Variants in CUL3 observed in about 807,000 individuals in gnomAD.
CUL3 encodes cullin 3, also known as cullin-3.
CUL3 carries 19 observed loss-of-function variants against 89.1 expected under a neutral mutation model. The ratio of observed to expected loss-of-function variants is 0.21; its 90% confidence interval spans 0.15 to 0.31. CUL3 has a LOEUF of 0.31. CUL3 is among the 10% of genes least tolerant of loss of function. The pLI is 1.00. For missense variants in CUL3, 469 were observed against 942.3 expected, an observed-to-expected ratio of 0.50 and a Z score of 6.58; for synonymous variants, 351 against 308.4, an observed-to-expected ratio of 1.14 and a Z score of -1.45.
At chr2:224,547,009 T>C (rs893035814) in intron 2 of CUL3, among the ~76,000 whole-genome samples, 59 of 152,258 alleles carry the variant, frequency 3.9e-4, no homozygotes, top group African/African-American at 1.4e-3. Flanking sequence ...CTCACTCCTG[T>C]CACCACCATC....
Position 224,500,220 on chromosome 2 carries a change from T to C in CUL3, c.1610+143A>G, listed in dbSNP as rs3768890. On this transcript the variant is annotated intron_variant, in intron 11 of 15. Coordinates refer to ENST00000264414, the MANE Select transcript of CUL3 (RefSeq NM_003590.5). The stretch of plus-strand genomic sequence containing the variant: ...GATCCTATAGAGGGGGAAATTGCTG[T>C]ATGCCAGGATAAATGCTCCTTTTGA... The C allele has an allele frequency of 0.15, 138,005 of 907,116 alleles. 12,173 individuals carry two copies. The highest frequency in any genetic ancestry group is 0.28 in the East Asian group (10,702 of 37,944). The allele number at this position is 907,116 out of a possible 1,614,324, so 56.2% of individuals were successfully genotyped here. A position where few individuals can be genotyped will look rare whatever the true frequency, so the allele number is the denominator to read the frequency against.
chr2:224,536,696 A>C (rs1292040977), intron 2 of CUL3, among the ~76,000 whole-genome samples: 1 of 152,162 alleles, frequency 6.6e-6, no homozygotes, highest in Non-Finnish European at 1.5e-5. Context: ...TCCAACCCTA[A>C]TAAAAGACTA....
chr2:224,548,370 C>T (rs1694383567), intron 2 of CUL3, among the ~76,000 whole-genome samples: 1 of 152,076 alleles, frequency 6.6e-6, no homozygotes, highest in African/African-American at 2.4e-5. Flanking sequence ...CCCATTCAAT[C>T]GGAGTAAGAT....
intron 2 of CUL3, among the ~76,000 whole-genome samples, chr2:224,546,539 T>G (rs1574680163): frequency 6.6e-6 from 1 of 152,192 alleles, no homozygotes; most frequent in East Asian, 1.9e-4. Context: ...TCTCAAAGAT[T>G]CATTTCAACA....
intron 8 of CUL3, 187 bp from the exon 9 acceptor site, chr2:224,504,009 C>A: frequency 2.1e-6 from 1 of 469,734 alleles, no homozygotes; most frequent in Non-Finnish European, 3.7e-6. Flanking sequence ...CTTACATTCT[C>A]ATTTAGTGCA....
At chr2:224,502,664 T>C (rs1033672466) in intron 10 of CUL3, among the ~76,000 whole-genome samples, 1 of 152,206 alleles carries the variant, frequency 6.6e-6, no homozygotes, top group Non-Finnish European at 1.5e-5. Context: ...CCCAGTACTC[T>C]TTCCACAATT....
chr2:224,491,641 A>C (rs1354871154), intron 13 of CUL3, among the ~76,000 whole-genome samples: 1 of 152,174 alleles, frequency 6.6e-6, no homozygotes, highest in African/African-American at 2.4e-5. Flanking sequence ...CTTGTTCCTC[A>C]GTCTAATAGA....
At chr2:224,556,625 A>G (rs567437506) in intron 2 of CUL3, among the ~76,000 whole-genome samples, 3 of 152,278 alleles carry the variant, frequency 2.0e-5, no homozygotes, top group Admixed American at 6.5e-5. Context: ...AATCACCACT[A>G]AACAGGACAA....
At chr2:224,579,310 T>C (rs1443693527) in intron 1 of CUL3, among the ~76,000 whole-genome samples, 1 of 152,100 alleles carries the variant, frequency 6.6e-6, no homozygotes, top group African/African-American at 2.4e-5. Flanking sequence ...GAAAAGCAAA[T>C]TTATAATTAA....
At chr2:224,546,251 C>T (rs182968167) in intron 2 of CUL3, among the ~76,000 whole-genome samples, 7 of 152,200 alleles carry the variant, frequency 4.6e-5, no homozygotes, top group African/African-American at 1.4e-4. Context: ...CAAAGCATGA[C>T]AACAAAGCTA....
chr2:224,514,310 T>C (rs909776247), intron 4 of CUL3, among the ~76,000 whole-genome samples: 20 of 152,138 alleles, frequency 1.3e-4, no homozygotes, highest in African/African-American at 4.8e-4. Flanking sequence ...AATACAAATG[T>C]TATTACACAG....
intron 1 of CUL3, among the ~76,000 whole-genome samples, chr2:224,572,581 C>G (rs561481074): frequency 1.5e-5 from 2 of 131,416 alleles, no homozygotes; most frequent in Non-Finnish European, 3.1e-5. Context: ...GGCATGGCTA[C>G]AGTTAGCCAA....
intron 14 of CUL3, 52 bp downstream of exon 14, chr2:224,481,840 C>T (rs56264124): frequency 7.9e-7 from 1 of 1,271,822 alleles, no homozygotes; most frequent in Non-Finnish European, 1.0e-6. Context: ...GATTTTTTTT[C>T]TAAAGAGAAA....
chr2:224,538,442 T>C (rs1052788825), intron 2 of CUL3, among the ~76,000 whole-genome samples: 1 of 152,126 alleles, frequency 6.6e-6, no homozygotes, highest in Non-Finnish European at 1.5e-5. Context: ...ATTATTAACA[T>C]CTTATAAAAA....
chr2:224,576,377 A>C (rs1217579005), intron 1 of CUL3, among the ~76,000 whole-genome samples: 1 of 152,090 alleles, frequency 6.6e-6, no homozygotes, highest in Non-Finnish European at 1.5e-5. Context: ...GACAATTTCA[A>C]CTCATTTTTC....
At chr2:224,519,484 A>T (rs899550295) in intron 3 of CUL3, among the ~76,000 whole-genome samples, 1 of 152,172 alleles carries the variant, frequency 6.6e-6, no homozygotes, top group Non-Finnish European at 1.5e-5. Context: ...TTTCAACTTG[A>T]GACTGTCAAG....
rs537457130 is a variant in CUL3, at chr2:224,470,644, G to A, written c.*3601C>T. 1 of 231,696 alleles carries A rather than the reference G, an allele frequency of 4.3e-6. No homozygotes were observed. The highest frequency in any genetic ancestry group is 8.5e-6 in the Non-Finnish European group (1 of 117,182). 14.4% of individuals were successfully genotyped at this position (231,696 alleles called of 1,614,324 possible). On this transcript the variant is annotated 3_prime_UTR_variant, in exon 16 of 16. Coordinates refer to ENST00000264414, the MANE Select transcript of CUL3 (RefSeq NM_003590.5). ...CTTAAGTATGTAAAACTTTCTCTAAGATTGTAGGAGACAAAGCGCCTATTT... is the reference window on the plus strand; with the variant it reads ...CTTAAGTATGTAAAACTTTCTCTAAAATTGTAGGAGACAAAGCGCCTATTT...
chr2:224,545,312 C>A (rs1694253783), intron 2 of CUL3, among the ~76,000 whole-genome samples: 1 of 151,922 alleles, frequency 6.6e-6, no homozygotes, highest in Non-Finnish European at 1.5e-5. Flanking sequence ...CAATAGTGAT[C>A]AGAAAAATTA....
At chr2:224,580,337 T>C (rs1404714887) in intron 1 of CUL3, among the ~76,000 whole-genome samples, 1 of 152,220 alleles carries the variant, frequency 6.6e-6, no homozygotes, top group Non-Finnish European at 1.5e-5. Flanking sequence ...AAATTGTGCA[T>C]TAAACTGTTG....
Sources: gnomAD v4.1 joint callset for allele counts (sites outside exome capture counted in the v4.1 genomes callset) on GRCh38, gnomAD v4.1.1 for gene constraint, MANE v1.5 for transcripts, NCBI Gene and HGNC (gene_info 2026-07-23, HGNC 2026-07-21) for gene names.